PAIP1: variants seen among roughly 807,000 people sequenced by gnomAD.
PAIP1 encodes poly(A) binding protein interacting protein 1.
A neutral mutation model predicts 61.3 loss-of-function variants in PAIP1; 16 were observed. The ratio of observed to expected loss-of-function variants is 0.26; its 90% CI spans 0.18 to 0.40. The LOEUF is 0.40. PAIP1 is among the 10% of genes least tolerant of loss of function. The pLI, the probability that PAIP1 is intolerant of heterozygous loss-of-function variation, is 1.00. For missense variants in PAIP1, 416 were observed against 600.9 expected (o/e 0.69, Z 3.22); for synonymous variants, 187 against 226.2 (o/e 0.83, Z 1.56).
At chr5:43,552,159 T>C (rs1327690230) in intron 2 of PAIP1, among the ~76,000 whole-genome samples, 1 of 152,180 alleles carries the variant, frequency 6.6e-6, no homozygotes, top group Non-Finnish European at 1.5e-5. Context: ...AAAAGAAAAC[T>C]GATCAGACAC....
chr5:43,545,720 A>G (rs1747610693), intron 3 of PAIP1, among the ~76,000 whole-genome samples: 1 of 150,520 alleles, frequency 6.6e-6, no homozygotes, highest in African/African-American at 2.4e-5. Flanking sequence ...TCCCCATAGC[A>G]TCATTTTAGT....
At chr5:43,538,846 T>A in intron 5 of PAIP1, 78 bp downstream of exon 5, 2 of 771,440 alleles carry the variant, frequency 2.6e-6, no homozygotes, top group East Asian at 2.5e-5. Flanking sequence ...AAAAGTACAA[T>A]GTGAACACAA....
At chr5:43,543,310 C>CAAAA (rs11427976) in intron 3 of PAIP1, among the ~76,000 whole-genome samples, 194 bp from the exon 4 acceptor site, 215 of 96,028 alleles carry the variant, frequency 2.2e-3, no homozygotes, top group Non-Finnish European at 2.8e-3. Flanking sequence ...ACAATAAGTA[C>CAAAA]AAAAAAAAAA....
At chr5:43,545,608 T>C (rs1747606456) in intron 3 of PAIP1, among the ~76,000 whole-genome samples, 1 of 152,188 alleles carries the variant, frequency 6.6e-6, no homozygotes. Flanking sequence ...CAACGTTAGA[T>C]CTGCCAAATC....
intron 4 of PAIP1, among the ~76,000 whole-genome samples, chr5:43,539,466 C>T (rs976637298): frequency 8.6e-5 from 13 of 150,794 alleles, no homozygotes; most frequent in East Asian, 6.6e-4. Flanking sequence ...CACACACACA[C>T]ACACACACAC....
At chr5:43,554,724 C>A (rs1747996966) in intron 2 of PAIP1, among the ~76,000 whole-genome samples, 1 of 152,136 alleles carries the variant, frequency 6.6e-6, no homozygotes, top group Non-Finnish European at 1.5e-5. Flanking sequence ...AACTGGAAAT[C>A]ATACACTACT....
intron 4 of PAIP1, among the ~76,000 whole-genome samples, chr5:43,541,456 A>AT (rs1747407070): frequency 6.7e-6 from 1 of 149,362 alleles, no homozygotes; most frequent in Middle Eastern, 3.4e-3. Flanking sequence ...CCCACCTATC[A>AT]TTTCACTTTT....
chr5:43,531,677 A>AAAAAAG (rs755581257), intron 9 of PAIP1, among the ~76,000 whole-genome samples: 1 of 131,258 alleles, frequency 7.6e-6, no homozygotes, highest in African/African-American at 2.7e-5. Flanking sequence ...AAAAAAAAAA[A>AAAAAAG]GAGAAAAAAA....
intron 2 of PAIP1, among the ~76,000 whole-genome samples, chr5:43,552,492 A>G (rs2111597404): frequency 6.6e-6 from 1 of 152,332 alleles, no homozygotes; most frequent in South Asian, 2.1e-4. Context: ...CAAAGGAGGT[A>G]ATAAAATGGA....
chr5:43,550,602 G>A (rs1331244805), intron 2 of PAIP1, among the ~76,000 whole-genome samples: 1 of 151,962 alleles, frequency 6.6e-6, no homozygotes, highest in African/African-American at 2.4e-5. Context: ...ACATTTTGAG[G>A]TAAGCATCAC....
intron 3 of PAIP1, among the ~76,000 whole-genome samples, chr5:43,545,038 T>G (rs1330655047): frequency 6.6e-6 from 1 of 152,286 alleles, no homozygotes; most frequent in African/African-American, 2.4e-5. Context: ...TTGCTGTGTT[T>G]TCATTTATAG....
chr5:43,547,985 AG>A (rs1747713455), intron 2 of PAIP1, 72 bp from the exon 3 acceptor site: 1 of 883,336 alleles, frequency 1.1e-6, no homozygotes, highest in Admixed American at 3.0e-5. Context: ...GTATGTCTCT[AG>A]CACAAATGCT....
At position 43,534,310 on chromosome 5, in the gene PAIP1, C is replaced by A. The variant is rs558874079; in HGVS notation, c.1198-518G>T. Among the ~76,000 whole-genome samples the A allele has an allele frequency of 1.0e-3, 153 of 152,220 alleles. 1 individual carries two copies. In the Middle Eastern group the frequency reaches 0.041, roughly 41 times the overall value. ...TGCCTCCAGGCTTCAAGCAATTCTC[C>A]TGCCTCAGCCTCCCGAGTAGCTGGG... On this transcript the variant is annotated intron_variant, in intron 8 of 10. Coordinates refer to ENST00000306846, the MANE Select transcript of PAIP1 (RefSeq NM_006451.5).
chr5:43,542,220 C>T (rs1011363796), intron 4 of PAIP1, among the ~76,000 whole-genome samples: 2 of 147,406 alleles, frequency 1.4e-5, no homozygotes, highest in Admixed American at 6.8e-5. Context: ...AAACTAATTA[C>T]CCTAAGATAT....
intron 2 of PAIP1, among the ~76,000 whole-genome samples, chr5:43,553,387 A>G (rs1351289822): frequency 6.6e-6 from 1 of 152,320 alleles, no homozygotes; most frequent in African/African-American, 2.4e-5. Context: ...TTTCATGTGT[A>G]GAACAAAAGC....
intron 4 of PAIP1, among the ~76,000 whole-genome samples, chr5:43,539,423 ATAC>A (rs1453182466): frequency 6.6e-6 from 1 of 150,876 alleles, no homozygotes; most frequent in African/African-American, 2.4e-5. Flanking sequence ...TTTTTTTTTA[ATAC>A]TACAACTTTG....
At chr5:43,534,200 AT>A (rs34732006) in intron 8 of PAIP1, among the ~76,000 whole-genome samples, 2,303 of 144,742 alleles carry the variant, frequency 0.016, 65 homozygotes, top group East Asian at 0.14. Context: ...CCTAGTAGCC[AT>A]TTTTTTTTTT....
chr5:43,549,478 T>A (rs1747777601), intron 2 of PAIP1, among the ~76,000 whole-genome samples: 1 of 151,958 alleles, frequency 6.6e-6, no homozygotes, highest in Non-Finnish European at 1.5e-5. Flanking sequence ...TTATCAGGGG[T>A]TTCCGCTTTT....
chr5:43,556,954 G>T lies in PAIP1; in HGVS notation c.-108C>A. 6 of 1,264,068 alleles carry T rather than the reference G, an allele frequency of 4.7e-6. No individual in the cohort carries two copies. Among genetic ancestry groups the T allele is most frequent in the Non-Finnish European group, 6.0e-6 (6 of 1,004,124 alleles). 78.3% of individuals were successfully genotyped at this position (1,264,068 alleles called of 1,614,324 possible). A position where few individuals can be genotyped will look rare whatever the true frequency, so the allele number is the denominator to read the frequency against. The stretch of plus-strand genomic sequence containing the variant: ...GCTATAGCCGCCGCGCCTCACTCGG[G>T]CCTCATGGAGGAGGAGGGCGGCGGG... On this transcript the variant is annotated 5_prime_UTR_variant, in exon 1 of 11. Transcript: ENST00000306846.
Sources: gnomAD v4.1 joint callset for allele counts (sites outside exome capture counted in the v4.1 genomes callset) on GRCh38, gnomAD v4.1.1 for gene constraint, MANE v1.5 for transcripts, NCBI Gene and HGNC (gene_info 2026-07-23, HGNC 2026-07-21) for gene names.